Variants in ZFHX3 observed in about 807,000 individuals in gnomAD.
ZFHX3 encodes zinc finger homeobox protein 3.
Under a neutral mutation model 279.1 loss-of-function variants are expected in ZFHX3, and 42 were observed. That is an observed-to-expected ratio of 0.15 (90% CI 0.12 to 0.19). The LOEUF is 0.19. ZFHX3 is among the 10% of genes least tolerant of loss of function. The pLI is 1.00. For missense variants in ZFHX3, 4,981 were observed against 4,754.0 expected, an observed-to-expected ratio of 1.05 and a Z score of -1.40; for synonymous variants, 2,293 against 1,957.8, an observed-to-expected ratio of 1.17 and a Z score of -4.52.
chr16:72,935,517 G>A (rs965467409), intron 3 of ZFHX3, among the ~76,000 whole-genome samples: 3 of 152,120 alleles, frequency 2.0e-5, no homozygotes, highest in Admixed American at 6.5e-5. Flanking sequence ...GAGGCAGGCG[G>A]ATCGCCCGAG....
chr16:73,192,493 C>T (rs1233344941), intron 5 of ZFHX3, among the ~76,000 whole-genome samples: 2 of 152,132 alleles, frequency 1.3e-5, no homozygotes, highest in African/African-American at 4.8e-5. Context: ...AAGAAAGTTA[C>T]TCAGGATCCG....
At chr16:73,462,308 A>G (rs1370382672) in intron 2 of ZFHX3, among the ~76,000 whole-genome samples, 1 of 152,110 alleles carries the variant, frequency 6.6e-6, no homozygotes, top group Non-Finnish European at 1.5e-5. Context: ...TCTAATCCTA[A>G]ATTTCCTTAT....
chr16:72,912,651 G>T (rs1268400968), intron 3 of ZFHX3, among the ~76,000 whole-genome samples: 1 of 152,070 alleles, frequency 6.6e-6, no homozygotes, highest in African/African-American at 2.4e-5. Context: ...GGGAGGATAG[G>T]AGCGAATGGG....
intron 1 of ZFHX3, among the ~76,000 whole-genome samples, chr16:73,755,925 G>A (rs1002053846): frequency 6.6e-6 from 1 of 152,172 alleles, no homozygotes; most frequent in Non-Finnish European, 1.5e-5. Context: ...TCCCACGGCC[G>A]GGTGACAGTG....
intron 4 of ZFHX3, among the ~76,000 whole-genome samples, chr16:72,853,995 A>G (rs2037685331): frequency 6.6e-6 from 1 of 152,190 alleles, no homozygotes; most frequent in Non-Finnish European, 1.5e-5. Context: ...AGCTTTGTGC[A>G]TCTTTGCAAA....
chr16:73,309,922 T>A (rs1300681354), intron 4 of ZFHX3, among the ~76,000 whole-genome samples: 1 of 127,012 alleles, frequency 7.9e-6, no homozygotes, highest in African/African-American at 3.1e-5. Context: ...TTTTTTTTTT[T>A]TTTTGAGATG....
At chr16:73,717,396 T>A (rs2053426388) in intron 1 of ZFHX3, among the ~76,000 whole-genome samples, 1 of 152,126 alleles carries the variant, frequency 6.6e-6, no homozygotes, top group Admixed American at 6.5e-5. Flanking sequence ...TTCCTGATAC[T>A]CCCTGCCCCA....
At chr16:73,565,085 T>C (rs560841370) in intron 2 of ZFHX3, among the ~76,000 whole-genome samples, 1 of 152,274 alleles carries the variant, frequency 6.6e-6, no homozygotes, top group East Asian at 1.9e-4. Flanking sequence ...AAACCCCATC[T>C]CTACTAAAAA....
intron 1 of ZFHX3, among the ~76,000 whole-genome samples, chr16:73,009,208 G>A (rs546821097): frequency 6.6e-6 from 1 of 151,900 alleles, no homozygotes; most frequent in African/African-American, 2.4e-5. Flanking sequence ...ACTTTGTAGT[G>A]CCAAGTTAAA....
chr16:73,523,648 T>G, intron 2 of ZFHX3, among the ~76,000 whole-genome samples: 1 of 150,946 alleles, frequency 6.6e-6, no homozygotes. Flanking sequence ...CATATGTATA[T>G]TCTGAAGGAA....
At chr16:73,532,481 C>T (rs750320153) in intron 2 of ZFHX3, among the ~76,000 whole-genome samples, 5 of 151,988 alleles carry the variant, frequency 3.3e-5, no homozygotes, top group Non-Finnish European at 4.4e-5. Context: ...TTACCAGCAG[C>T]GTGAAAATGG....
At chr16:72,803,292 A>G (rs936686713) in intron 7 of ZFHX3, among the ~76,000 whole-genome samples, 1 of 152,142 alleles carries the variant, frequency 6.6e-6, no homozygotes, top group Non-Finnish European at 1.5e-5. Context: ...AGATTGCGCC[A>G]TTGCACTCCA....
At chr16:73,231,130 G>T (rs967629163) in intron 5 of ZFHX3, among the ~76,000 whole-genome samples, 1 of 152,218 alleles carries the variant, frequency 6.6e-6, no homozygotes, top group African/African-American at 2.4e-5. Flanking sequence ...AATGGCCTGA[G>T]AGAGCTGGAA....
At chr16:73,757,573 T>C (rs976704258) in intron 1 of ZFHX3, among the ~76,000 whole-genome samples, 1 of 152,104 alleles carries the variant, frequency 6.6e-6, no homozygotes, top group African/African-American at 2.4e-5. Context: ...GGCTAAGCAA[T>C]GTGTTAGGCA....
intron 1 of ZFHX3, among the ~76,000 whole-genome samples, chr16:73,845,818 T>C (rs778691694): frequency 6.6e-6 from 1 of 152,338 alleles, no homozygotes; most frequent in Non-Finnish European, 1.5e-5. Context: ...AAATTCTTTT[T>C]TCTCTTTTTT....
intron 1 of ZFHX3, among the ~76,000 whole-genome samples, chr16:73,744,876 A>G (rs2053689900): frequency 6.6e-6 from 1 of 152,194 alleles, no homozygotes; most frequent in South Asian, 2.1e-4. Flanking sequence ...ATTTTTCAAG[A>G]ACTGCCCCAA....
chr16:72,930,777 G>C (rs144442285), intron 3 of ZFHX3, among the ~76,000 whole-genome samples: 2 of 152,154 alleles, frequency 1.3e-5, no homozygotes, highest in Non-Finnish European at 2.9e-5. Context: ...TACGGTTCTG[G>C]TAAGAATAAA....
chr16:73,606,092 G>C (rs1371678724), intron 2 of ZFHX3, among the ~76,000 whole-genome samples: 2 of 147,578 alleles, frequency 1.4e-5, no homozygotes, highest in Non-Finnish European at 3.0e-5. Flanking sequence ...CTGAGGTGGA[G>C]AACGGCGTGA....
At chr16:72,856,774 AC>A (rs2037764627) in intron 4 of ZFHX3, among the ~76,000 whole-genome samples, 1 of 152,226 alleles carries the variant, frequency 6.6e-6, no homozygotes, top group Admixed American at 6.5e-5. Flanking sequence ...GAAGGTGGCC[AC>A]CTTCTACTAA....
Sources: gnomAD v4.1 joint callset for allele counts (sites outside exome capture counted in the v4.1 genomes callset) on GRCh38, gnomAD v4.1.1 for gene constraint, MANE v1.5 for transcripts, NCBI Gene and HGNC (gene_info 2026-07-23, HGNC 2026-07-21) for gene names.